The following MAST1 variants were observed in gnomAD, a reference collection of about 807,000 sequenced individuals.
MAST1 encodes microtubule-associated serine/threonine-protein kinase 1.
A neutral mutation model predicts 124.6 loss-of-function variants in MAST1; 40 were observed. The observed-to-expected ratio is 0.32, with a 90% CI of 0.25 to 0.42. MAST1 has a LOEUF of 0.42. Ranked by LOEUF, MAST1 falls within the 10% of genes least tolerant of loss-of-function variation. The pLI is 1.00. For missense variants in MAST1, 1,558 were observed against 2,181.9 expected (o/e 0.71, Z 5.70); for synonymous variants, 938 against 939.4 (o/e 1.00, Z 0.03).
At position 12,866,867 on chromosome 19, in the gene MAST1, A is replaced by G; in HGVS notation, c.2139+105A>G. Reference sequence around the variant, plus strand: ...TGGTGCCCAAGGTCTCAGGAGCGGGAAGTTATTGATGGGGCGGGAGTCTGG... The same window carrying G: ...TGGTGCCCAAGGTCTCAGGAGCGGGGAGTTATTGATGGGGCGGGAGTCTGG... On this transcript the variant is annotated intron_variant, in intron 18 of 25. Coordinates refer to ENST00000251472, the MANE Select transcript of MAST1 (RefSeq NM_014975.3). The surrounding 1 kb of genome is among the most constrained non-coding windows in gnomAD (Gnocchi z 5.2). 2.1e-6 allele frequency: 2 copies of G among 960,958 alleles called. No homozygotes were observed. The highest frequency in any genetic ancestry group is 3.2e-6 in the Non-Finnish European group (2 of 625,490). 59.5% of individuals were successfully genotyped at this position (960,958 alleles called of 1,614,324 possible).
chr19:12,850,224 C>T (rs1307842109), intron 7 of MAST1, among the ~76,000 whole-genome samples: 2 of 152,112 alleles, frequency 1.3e-5, no homozygotes, highest in African/African-American at 2.4e-5. Flanking sequence ...CAGGAAGAGA[C>T]AGAAGATAAA....
rs768690018 is a variant in MAST1, at chr19:12,851,892, A to G, written c.775-42A>G. 19 of 1,497,982 alleles carry G rather than the reference A, an allele frequency of 1.3e-5. No individual in the cohort carries two copies. In the Admixed American group the frequency reaches 3.4e-4, roughly 27 times the overall value. The allele number at this position is 1,497,982 out of a possible 1,614,324, so 92.8% of individuals were successfully genotyped here. A position where few individuals can be genotyped will look rare whatever the true frequency, so the allele number is the denominator to read the frequency against. ...GCTGAGAGAGGGGCCGGGCTGAGGCAGAGTGCCTATGAGCCCTGTCCCTCT... is the reference window on the plus strand; with the variant it reads ...GCTGAGAGAGGGGCCGGGCTGAGGCGGAGTGCCTATGAGCCCTGTCCCTCT... On this transcript the variant is annotated intron_variant, in intron 7 of 25. Coordinates refer to ENST00000251472, the MANE Select transcript of MAST1 (RefSeq NM_014975.3).
rs1333421961 is a variant in MAST1 at position 12,874,025 on chromosome 19, G to A, written c.3868G>A (p.Gly1290Ser). 6.2e-7 allele frequency: 1 copy of A among 1,606,142 alleles called. No individual in the cohort carries two copies. The highest frequency in any genetic ancestry group is 2.2e-5 in the East Asian group (1 of 44,746). Residue 1290 changes from glycine (G) to serine (S), a missense_variant, in exon 26 of 26, where the codon GGC (glycine) becomes AGC (serine). By Grantham distance (56) the Gly-to-Ser change is moderately conservative. Transcript: ENST00000251472. This position sits in a 1 kb window ranked among gnomAD's most constrained non-coding sequence, Gnocchi z 6.6. ...GCTGCGCAAACACAGCCTCGAGGTG[G>A]GCCACCCGGATTTCCGCAAGGACTT... is the stretch of plus-strand genomic sequence containing the variant. Reference protein sequence around the residue: ...GALRKHSLEVGHPDFRKDFHG... With the variant: ...GALRKHSLEVSHPDFRKDFHG...
chr19:12,862,630 AC>A (rs1414845471), intron 12 of MAST1, among the ~76,000 whole-genome samples: 1 of 149,968 alleles, frequency 6.7e-6, no homozygotes, highest in Non-Finnish European at 1.5e-5. Context: ...GCATGGTGAA[AC>A]CCTGTTGTTG....
chr19:12,873,768 T>C lies in MAST1; in HGVS notation c.3611T>C (p.Leu1204Pro). The C allele has an allele frequency of 6.2e-7, 1 of 1,600,566 alleles. No individual in the cohort carries two copies. The highest frequency in any genetic ancestry group is 8.5e-7 in the Non-Finnish European group (1 of 1,179,122). ...ARCKSAGNIP[L>P]SPLAHTPSPT... ...TGCAAGTCGGCCGGCAACATCCCTC[T>C]ATCGCCGCTGGCACACACGCCGTCC... Residue 1204 changes from leucine (L) to proline (P), a missense_variant, in exon 26 of 26, where the codon CTA becomes CCA. By Grantham distance (98) the Leu-to-Pro change is moderately conservative. This residue lies in a region of MAST1 where 291 missense variants were observed against 475.8 expected (regional missense o/e 0.61). Transcript: ENST00000251472.
intron 3 of MAST1, among the ~76,000 whole-genome samples, chr19:12,842,991 C>T (rs550297014): frequency 7.2e-5 from 11 of 152,066 alleles, no homozygotes; most frequent in East Asian, 5.8e-4. Flanking sequence ...TGTGTGTCTT[C>T]GTGTGTGTGA....
intron 12 of MAST1, among the ~76,000 whole-genome samples, chr19:12,862,109 A>T (rs983481717): frequency 1.3e-5 from 2 of 149,034 alleles, no homozygotes; most frequent in Non-Finnish European, 3.0e-5. Flanking sequence ...GGTTCAAGTG[A>T]TTCTCCTGCC....
At position 12,868,740 on chromosome 19, in the gene MAST1, G is replaced by A. The variant is rs1970195385; in HGVS notation, c.2664G>A (p.Arg888=). Residue 888 remains arginine, a synonymous_variant, in exon 21 of 26, where the codon CGG becomes CGA. Coordinates refer to ENST00000251472, the MANE Select transcript of MAST1 (RefSeq NM_014975.3). The part of the protein sequence containing the change: ...ATNDLVLRRA[R]HQQMSGDVAV... ...ATGACTTGGTTCTGCGCCGGGCGCG[G>A]CACCAGCAGATGTCAGGGGATGTGG... 1.2e-6 allele frequency: 2 copies of A among 1,612,958 alleles called. No individual in the cohort carries two copies. Among genetic ancestry groups the A allele is most frequent in the Middle Eastern group, 1.7e-4 (1 of 6,054 alleles).
In MAST1 at chr19:12,865,891, GT is replaced by G. The variant is rs1970147933; in HGVS notation, c.1906+74del. On this transcript the variant is annotated intron_variant, in intron 16 of 25. Transcript: ENST00000251472. The surrounding 1 kb of genome is among the most constrained non-coding windows in gnomAD (Gnocchi z 7.1). ...GCCTCCAAAACCCCAGGCCCAGCCT[GT>G]GCTGTGGCCCCGGGGCGGAAGACAT... 6.2e-7 allele frequency: 1 copy of G among 1,604,884 alleles called. No individual in the cohort carries two copies. The highest frequency in any genetic ancestry group is 8.5e-7 in the Non-Finnish European group (1 of 1,173,450).
chr19:12,872,257 C>CTGTT (rs1047112891), intron 24 of MAST1, among the ~76,000 whole-genome samples: 26 of 151,924 alleles, frequency 1.7e-4, no homozygotes, highest in African/African-American at 2.9e-4. Context: ...GAAGGGTATT[C>CTGTT]TGTTTGTTTG....
Position 12,842,767 on chromosome 19 carries a change from C to T in MAST1, c.249-762C>T, listed in dbSNP as rs11878818. 7.5e-3 allele frequency among the ~76,000 whole-genome samples: 1,137 copies of T among 152,152 alleles called. 15 individuals are homozygous for T. Among genetic ancestry groups the T allele is most frequent in the African/African-American group, 0.026 (1,074 of 41,508 alleles). On this transcript the variant is annotated intron_variant, in intron 3 of 25. Transcript: ENST00000251472. ...TGGTAGTGAGCGTGGGTGTCTGGAA[C>T]GTGCATCTGTGTGAATGTGGAAGTG... is the stretch of plus-strand genomic sequence containing the variant.
At position 12,847,501 on chromosome 19, in the gene MAST1, G is replaced by C. The variant is rs769511069; in HGVS notation, c.488+51G>C. The C allele has an allele frequency of 2.5e-6, 4 of 1,610,454 alleles. No individual in the cohort carries two copies. The African/African-American group carries it at 5.4e-5, about 22-fold the overall frequency. On this transcript the variant is annotated intron_variant, in intron 5 of 25. Coordinates refer to ENST00000251472, the MANE Select transcript of MAST1 (RefSeq NM_014975.3). This position sits in a 1 kb window ranked among gnomAD's most constrained non-coding sequence, Gnocchi z 5.5. Reference sequence around the variant, plus strand: ...TACCAAGCTAGTGGTCTTAGGACTTGTGCTTAGAGAGACCCCTGTCCCCGC... The same window carrying C: ...TACCAAGCTAGTGGTCTTAGGACTTCTGCTTAGAGAGACCCCTGTCCCCGC...
At chr19:12,855,047 A>G (rs1970003191) in intron 10 of MAST1, among the ~76,000 whole-genome samples, 1 of 152,086 alleles carries the variant, frequency 6.6e-6, no homozygotes, top group Non-Finnish European at 1.5e-5. Flanking sequence ...CCTGGCCAAC[A>G]TGGTGAAACC....
In MAST1 at chr19:12,858,387, C is replaced by G. The variant is rs1220092189; in HGVS notation, c.1103C>G (p.Pro368Arg). ...SEGRSSKAKK[P>R]PGENDFDTIK... ...GGCCGCAGCAGCAAGGCCAAGAAACCGCCGGGGGAGAATGACTTCGATACC... is the reference window on the plus strand; with the variant it reads ...GGCCGCAGCAGCAAGGCCAAGAAACGGCCGGGGGAGAATGACTTCGATACC... The change falls in exon 11 of 26, where the codon CCG (proline) becomes CGG (arginine). Residue 368 changes from proline to arginine, a missense_variant. Coordinates refer to ENST00000251472, the MANE Select transcript of MAST1 (RefSeq NM_014975.3). 15 of 1,613,994 alleles carry G rather than the reference C, an allele frequency of 9.3e-6. No individual in the cohort carries two copies. Among genetic ancestry groups the G allele is most frequent in the Non-Finnish European group, 1.2e-5 (14 of 1,179,974 alleles).
In MAST1 at chr19:12,865,573, C is replaced by G; in HGVS notation, c.1804+92C>G. On this transcript the variant is annotated intron_variant, in intron 15 of 25. Coordinates refer to ENST00000251472, the MANE Select transcript of MAST1 (RefSeq NM_014975.3). This position sits in a 1 kb window ranked among gnomAD's most constrained non-coding sequence, Gnocchi z 7.1. ...TCCAGGGATTTCAAAAGCGACCCCC[C>G]AGAGGATCGCTTGCACTCAGGAGGT... 4 of 1,500,138 alleles carry G rather than the reference C, an allele frequency of 2.7e-6. No individual in the cohort carries two copies. Among genetic ancestry groups the G allele is most frequent in the South Asian group, 1.3e-5 (1 of 76,686 alleles). 92.9% of individuals were successfully genotyped at this position (1,500,138 alleles called of 1,614,324 possible).
chr19:12,845,406 T>C lies in MAST1; in HGVS notation c.327+1799T>C, dbSNP rs866133113. Among the ~76,000 whole-genome samples the C allele has an allele frequency of 3.2e-4, 21 of 65,800 alleles. No homozygotes were observed. The South Asian group carries it at 3.8e-3, about 12-fold the overall frequency. 43.2% of individuals were successfully genotyped at this position (65,800 alleles called of 152,430 possible). ...CCTGAGCAACGTGATGAAACCCTGT[T>C]TCTACAAAAAAAAAAAAAAAAAAAA... On this transcript the variant is annotated intron_variant, in intron 4 of 25. Coordinates refer to ENST00000251472, the MANE Select transcript of MAST1 (RefSeq NM_014975.3).
intron 7 of MAST1, 142 bp from the exon 8 acceptor site, chr19:12,851,792 T>C: frequency 1.5e-6 from 1 of 654,576 alleles, no homozygotes; most frequent in Non-Finnish European, 2.6e-6. Context: ...AGCCTCATTA[T>C]TTTTACTGTG....
In MAST1 at chr19:12,874,288, C is replaced by T; in HGVS notation, c.4131C>T (p.Pro1377=). The part of the protein sequence containing the change: ...EACTPPRATT[P]GGRTLERDVG... ...GCACCCCACCCCGCGCGACGACCCC[C>T]GGTGGCCGGACCCTGGAGCGGGACG... Residue 1377 remains proline (P), a synonymous_variant, in exon 26 of 26, where the codon CCC becomes CCT. Transcript: ENST00000251472. This position sits in a 1 kb window ranked among gnomAD's most constrained non-coding sequence, Gnocchi z 6.6. The T allele has an allele frequency of 6.3e-7, 1 of 1,591,328 alleles. No homozygotes were observed. Among genetic ancestry groups the T allele is most frequent in the Non-Finnish European group, 8.5e-7 (1 of 1,174,914 alleles).
At chr19:12,864,229 G>A (rs1361596170) in intron 12 of MAST1, among the ~76,000 whole-genome samples, 1 of 151,908 alleles carries the variant, frequency 6.6e-6, no homozygotes, top group East Asian at 1.9e-4. Flanking sequence ...GCCCAGCCTT[G>A]AACAATTTTT....
Sources: gnomAD v4.1 joint callset for allele counts (sites outside exome capture counted in the v4.1 genomes callset) on GRCh38, gnomAD v4.1.1 for gene constraint, gnomAD v4.1.1 regional missense constraint, Gnocchi (gnomAD v3.1) non-coding constraint, MANE v1.5 for transcripts, NCBI Gene and HGNC (gene_info 2026-07-23, HGNC 2026-07-21) for gene names.